Variants in SLC12A6 observed in about 807,000 individuals in gnomAD.
SLC12A6 encodes solute carrier family 12 member 6.
In SLC12A6, 66 loss-of-function variants were observed where a neutral mutation model predicts 135.3. The observed-to-expected ratio is 0.49, with a 90% CI of 0.40 to 0.60. The LOEUF (loss-of-function observed/expected upper bound fraction) is 0.60, where lower values mean the gene tolerates loss of function less well. Ranked by LOEUF, SLC12A6 falls within the 20% of genes least tolerant of loss-of-function variation. The pLI is 0.00. For synonymous variants in SLC12A6, 513 were observed against 508.8 expected, an observed-to-expected ratio of 1.01 and a Z score of -0.11; for missense variants, 1,058 against 1,452.3, an observed-to-expected ratio of 0.73 and a Z score of 4.41.
In SLC12A6 at chr15:34,236,704, T is replaced by C; in HGVS notation, c.3042+4A>G. 6.7e-7 allele frequency: 1 copy of C among 1,496,086 alleles called. No individual in the cohort carries two copies. Among genetic ancestry groups the C allele is most frequent in the Admixed American group, 1.7e-5 (1 of 59,906 alleles). The allele number at this position is 1,496,086 out of a possible 1,614,324, so 92.7% of individuals were successfully genotyped here. A position where few individuals can be genotyped will look rare whatever the true frequency, so the allele number is the denominator to read the frequency against. On this transcript the variant is annotated splice_donor_region_variant and intron_variant, in intron 23 of 25. Transcript: ENST00000354181. ...CGGATTGGATTGATGCAGTAATGTCTCACCTCTCTGTCTCGCTCTGTTTTG... is the reference window on the plus strand; with the variant it reads ...CGGATTGGATTGATGCAGTAATGTCCCACCTCTCTGTCTCGCTCTGTTTTG...
rs574724536 is a variant in SLC12A6, at chr15:34,291,350, C to G, written c.272-15961G>C. Among the ~76,000 whole-genome samples the G allele has an allele frequency of 5.3e-5, 8 of 152,330 alleles. No homozygotes were observed. In the South Asian group the frequency reaches 1.7e-3, roughly 32 times the overall value. ...CTTGTAGGGTTTCTGCTGAGAGATGCACTGTTAGTCTGATGGGTTTCCTTT... is the reference window on the plus strand; with the variant it reads ...CTTGTAGGGTTTCTGCTGAGAGATGGACTGTTAGTCTGATGGGTTTCCTTT... On this transcript the variant is annotated intron_variant, in intron 2 of 25. Transcript: ENST00000354181.
In SLC12A6 at chr15:34,230,449, G is replaced by A. The variant is rs1595387011; in HGVS notation, c.*3432C>T. ...TGAGGCAACGGAAGATATATAGAGTGATCGTCCCCCTGCCGAAGGAACCTG... is the reference window on the plus strand; with the variant it reads ...TGAGGCAACGGAAGATATATAGAGTAATCGTCCCCCTGCCGAAGGAACCTG... On this transcript the variant is annotated 3_prime_UTR_variant, in exon 26 of 26. Transcript: ENST00000354181. 6.6e-6 allele frequency: 1 copy of A among 152,496 alleles called. No homozygotes were observed. The highest frequency in any genetic ancestry group is 1.9e-4 in the East Asian group (1 of 5,198). 9.4% of individuals were successfully genotyped at this position (152,496 alleles called of 1,614,324 possible). A position where few individuals can be genotyped will look rare whatever the true frequency, so the allele number is the denominator to read the frequency against.
chr15:34,277,452 T>C (rs992077168), intron 2 of SLC12A6, among the ~76,000 whole-genome samples: 2 of 151,326 alleles, frequency 1.3e-5, no homozygotes, highest in African/African-American at 4.8e-5. Context: ...CCCCCCACTA[T>C]ATATATATAT....
chr15:34,334,355 T>C (rs1306468828), intron 2 of SLC12A6, among the ~76,000 whole-genome samples: 9 of 152,218 alleles, frequency 5.9e-5, no homozygotes, highest in African/African-American at 1.4e-4. Context: ...TTGTTATCTA[T>C]ATTAAAGCCA....
Position 34,332,811 on chromosome 15 carries a change from T to C in SLC12A6, c.271+3599A>G, listed in dbSNP as rs1595590265. 4.0e-5 allele frequency among the ~76,000 whole-genome samples: 6 copies of C among 151,102 alleles called. No homozygotes were observed. In the South Asian group the frequency reaches 1.3e-3, roughly 31 times the overall value. On this transcript the variant is annotated intron_variant, in intron 2 of 25. Coordinates refer to ENST00000354181, the MANE Select transcript of SLC12A6 (RefSeq NM_001365088.1). Reference sequence around the variant, plus strand: ...AAAAAAAAAAGAAAAAGAAAAAAAGTATTAGGTCCTGCAAATGACATATAA... The same window carrying C: ...AAAAAAAAAAGAAAAAGAAAAAAAGCATTAGGTCCTGCAAATGACATATAA...
intron 2 of SLC12A6, among the ~76,000 whole-genome samples, chr15:34,317,767 A>G (rs2141111830): frequency 6.6e-6 from 1 of 152,322 alleles, no homozygotes; most frequent in African/African-American, 2.4e-5. Flanking sequence ...CTTAATTCAT[A>G]TAACTAAAGA....
chr15:34,259,169 G>A (rs1008410873), intron 4 of SLC12A6, among the ~76,000 whole-genome samples: 14 of 151,962 alleles, frequency 9.2e-5, no homozygotes, highest in African/African-American at 2.7e-4. Flanking sequence ...GTGAAACCCC[G>A]TCTCTACTAA....
chr15:34,326,857 GCTTT>G (rs1247050583), intron 2 of SLC12A6, among the ~76,000 whole-genome samples: 3 of 92,094 alleles, frequency 3.3e-5, no homozygotes, highest in Non-Finnish European at 5.6e-5. Context: ...ACAACTGGCT[GCTTT>G]TTTTTTTTTT....
intron 24 of SLC12A6, 31 bp from the exon 25 acceptor site, chr15:34,235,345 G>A (rs778597105): frequency 5.0e-6 from 8 of 1,599,706 alleles, no homozygotes; most frequent in Middle Eastern, 1.7e-4. Flanking sequence ...GGTTGTTAAG[G>A]TAAAAAGACA....
chr15:34,304,701 A>T (rs751564180), intron 2 of SLC12A6, among the ~76,000 whole-genome samples: 11 of 152,212 alleles, frequency 7.2e-5, no homozygotes, highest in Admixed American at 3.3e-4. Context: ...TTAATTGGAA[A>T]GCTGTTACTT....
chr15:34,310,947 T>A (rs1192696140), intron 2 of SLC12A6, among the ~76,000 whole-genome samples: 2 of 152,120 alleles, frequency 1.3e-5, no homozygotes. Context: ...ACATAAGCTT[T>A]CATGGGTAAC....
intron 2 of SLC12A6, among the ~76,000 whole-genome samples, chr15:34,290,292 G>A (rs1177276722): frequency 6.6e-6 from 1 of 152,180 alleles, no homozygotes; most frequent in Non-Finnish European, 1.5e-5. Flanking sequence ...GTGGTTTTGA[G>A]TGAGTTTATT....
intron 2 of SLC12A6, among the ~76,000 whole-genome samples, chr15:34,307,031 T>C (rs971626656): frequency 1.3e-5 from 2 of 152,128 alleles, no homozygotes; most frequent in Non-Finnish European, 2.9e-5. Context: ...GAGTGGGGCA[T>C]AAAGGGCACA....
chr15:34,299,942 AC>A (rs1240673914), intron 2 of SLC12A6, among the ~76,000 whole-genome samples: 4 of 152,194 alleles, frequency 2.6e-5, no homozygotes, highest in African/African-American at 9.7e-5. Context: ...AGGAGGTTAG[AC>A]AAAAAATAAC....
chr15:34,328,173 T>C (rs1889601653), intron 2 of SLC12A6, among the ~76,000 whole-genome samples: 1 of 152,132 alleles, frequency 6.6e-6, no homozygotes, highest in Non-Finnish European at 1.5e-5. Context: ...TGGCTTTTGT[T>C]TTCTATTTCT....
chr15:34,275,264 C>A, intron 3 of SLC12A6, 81 bp downstream of exon 3: 1 of 741,694 alleles, frequency 1.3e-6, no homozygotes, highest in South Asian at 1.6e-5. Flanking sequence ...AAAATAGAAT[C>A]AGAGAAGGGA....
At position 34,311,127 on chromosome 15, in the gene SLC12A6, G is replaced by C. The variant is rs141998240; in HGVS notation, c.271+25283C>G. ...AGGTTCCTCTCTCTATTGTGCTATAGGTCCATTTCTAAAAATTTCCTTAGA... is the reference window on the plus strand; with the variant it reads ...AGGTTCCTCTCTCTATTGTGCTATACGTCCATTTCTAAAAATTTCCTTAGA... On this transcript the variant is annotated intron_variant, in intron 2 of 25. Coordinates refer to ENST00000354181, the MANE Select transcript of SLC12A6 (RefSeq NM_001365088.1). 3.9e-3 allele frequency among the ~76,000 whole-genome samples: 598 copies of C among 152,020 alleles called. 4 individuals are homozygous for C. Among genetic ancestry groups the C allele is most frequent in the African/African-American group, 0.013 (557 of 41,448 alleles).
chr15:34,250,565 C>T, intron 12 of SLC12A6, 66 bp downstream of exon 12: 2 of 924,170 alleles, frequency 2.2e-6, no homozygotes, highest in Non-Finnish European at 1.8e-6. Context: ...GATAAAAATA[C>T]TGATCATCTA....
At chr15:34,283,830 C>G (rs1894850726) in intron 2 of SLC12A6, among the ~76,000 whole-genome samples, 1 of 151,950 alleles carries the variant, frequency 6.6e-6, no homozygotes, top group Non-Finnish European at 1.5e-5. Context: ...CTTACTACAG[C>G]CTCAACCTCC....
Sources: gnomAD v4.1 joint callset for allele counts (sites outside exome capture counted in the v4.1 genomes callset) on GRCh38, gnomAD v4.1.1 for gene constraint, MANE v1.5 for transcripts, NCBI Gene and HGNC (gene_info 2026-07-23, HGNC 2026-07-21) for gene names.